ERBB4: variants seen among roughly 807,000 people sequenced by gnomAD.
ERBB4 encodes receptor tyrosine-protein kinase erbB-4.
In ERBB4, 42 loss-of-function variants were observed where a neutral mutation model predicts 158.0. The observed-to-expected ratio is 0.27, with a 90% CI of 0.21 to 0.34. ERBB4 has a LOEUF of 0.34. ERBB4 is among the 10% of genes least tolerant of loss of function. The pLI is 1.00. For synonymous variants in ERBB4, 583 were observed against 558.7 expected, an observed-to-expected ratio of 1.04 and a Z score of -0.61; for missense variants, 1,333 against 1,624.1, an observed-to-expected ratio of 0.82 and a Z score of 3.08.
At chr2:212,450,085 G>A (rs2092423113) in intron 1 of ERBB4, among the ~76,000 whole-genome samples, 1 of 152,146 alleles carries the variant, frequency 6.6e-6, no homozygotes, top group African/African-American at 2.4e-5. Context: ...ATGTTGACAT[G>A]CTGGTGTGCC....
intron 9 of ERBB4, among the ~76,000 whole-genome samples, chr2:211,710,109 AT>A (rs1391097263): frequency 3.3e-5 from 5 of 152,140 alleles, no homozygotes; most frequent in African/African-American, 1.2e-4. Context: ...AGGTTACATT[AT>A]CTATAAATTT....
At chr2:212,286,594 CTTTTTTTTTTTT>C in intron 1 of ERBB4, among the ~76,000 whole-genome samples, 1 of 55,542 alleles carries the variant, frequency 1.8e-5, no homozygotes, top group East Asian at 1.3e-3. Flanking sequence ...TAAGTGCTGA[CTTTTTTTTTTTT>C]TTTTTTTTTT....
intron 20 of ERBB4, among the ~76,000 whole-genome samples, chr2:211,444,707 T>C (rs2125461283): frequency 1.3e-5 from 2 of 152,200 alleles, no homozygotes; most frequent in Middle Eastern, 6.8e-3. Flanking sequence ...AGTTTCCTTG[T>C]TTCTCTAAAC....
At chr2:211,781,400 C>T (rs1248722274) in intron 4 of ERBB4, among the ~76,000 whole-genome samples, 2 of 152,160 alleles carry the variant, frequency 1.3e-5, no homozygotes, top group East Asian at 3.9e-4. Context: ...CCCCCTCTCC[C>T]ACTTCAGTTG....
At chr2:211,955,900 T>C (rs1024571100) in intron 2 of ERBB4, among the ~76,000 whole-genome samples, 1 of 152,130 alleles carries the variant, frequency 6.6e-6, no homozygotes, top group Admixed American at 6.6e-5. Context: ...GTCTAAAGTT[T>C]TTCTTTTAAC....
intron 1 of ERBB4, among the ~76,000 whole-genome samples, chr2:212,347,768 C>A (rs777652966): frequency 6.6e-6 from 1 of 151,926 alleles, no homozygotes; most frequent in Non-Finnish European, 1.5e-5. Flanking sequence ...CATTCTCAAC[C>A]TGAATATGAG....
intron 20 of ERBB4, among the ~76,000 whole-genome samples, chr2:211,532,488 A>G (rs11887504): frequency 0.041 from 6,284 of 152,156 alleles, 446 homozygotes; most frequent in African/African-American, 0.14. Flanking sequence ...TATGGTTTTA[A>G]TGAAAAGGAA....
At chr2:212,029,305 G>A (rs2076846700) in intron 2 of ERBB4, among the ~76,000 whole-genome samples, 1 of 151,842 alleles carries the variant, frequency 6.6e-6, no homozygotes, top group Admixed American at 6.6e-5. Flanking sequence ...CCTCCATCTT[G>A]CCCTTGAATT....
chr2:211,713,831 A>G (rs1004680427), intron 7 of ERBB4, among the ~76,000 whole-genome samples, 183 bp from the exon 8 acceptor site: 5 of 152,198 alleles, frequency 3.3e-5, no homozygotes, highest in Non-Finnish European at 7.3e-5. Flanking sequence ...GTCAAATGCA[A>G]TGTGTGTTAA....
intron 1 of ERBB4, among the ~76,000 whole-genome samples, chr2:212,458,127 T>C (rs996690110): frequency 6.6e-6 from 1 of 152,090 alleles, no homozygotes; most frequent in Non-Finnish European, 1.5e-5. Flanking sequence ...CTACTATGTG[T>C]CATATACTTT....
intron 2 of ERBB4, among the ~76,000 whole-genome samples, chr2:212,088,411 A>G (rs1196068841): frequency 6.6e-6 from 1 of 152,184 alleles, no homozygotes; most frequent in Non-Finnish European, 1.5e-5. Context: ...TGAAAAATAA[A>G]AATGGATTGT....
chr2:211,435,294 T>A (rs985919907), intron 20 of ERBB4, among the ~76,000 whole-genome samples: 2 of 152,144 alleles, frequency 1.3e-5, no homozygotes, highest in Non-Finnish European at 2.9e-5. Context: ...AGGAGAAGAA[T>A]AATACTGACA....
chr2:212,474,376 T>A (rs1689269823), intron 1 of ERBB4, among the ~76,000 whole-genome samples: 1 of 152,124 alleles, frequency 6.6e-6, no homozygotes, highest in Admixed American at 6.6e-5. Context: ...ACTGTGCCTG[T>A]CTCACACTGG....
At chr2:212,515,276 C>T (rs1484740708) in intron 1 of ERBB4, among the ~76,000 whole-genome samples, 2 of 152,026 alleles carry the variant, frequency 1.3e-5, no homozygotes, top group African/African-American at 4.8e-5. Flanking sequence ...TTTAGCAATT[C>T]GTACATGAGA....
rs77419345 is a variant in ERBB4 at position 211,775,256 on chromosome 2, C to T, written c.556+12769G>A. Reference sequence around the variant, plus strand: ...CAGATAGGTGAGTGTGGTCTTTCAGCTGTTCTTGAGTAGCTCGTCTGGTTT... The same window carrying T: ...CAGATAGGTGAGTGTGGTCTTTCAGTTGTTCTTGAGTAGCTCGTCTGGTTT... On this transcript the variant is annotated intron_variant, in intron 4 of 27. Coordinates refer to ENST00000342788, the MANE Select transcript of ERBB4 (RefSeq NM_005235.3). Among the ~76,000 whole-genome samples the T allele has an allele frequency of 2.3e-3, 354 of 152,252 alleles. 5 individuals carry two copies. The East Asian group carries it at 0.035, about 15-fold the overall frequency.
At chr2:212,534,415 T>C (rs896682695) in intron 1 of ERBB4, among the ~76,000 whole-genome samples, 3 of 152,142 alleles carry the variant, frequency 2.0e-5, no homozygotes, top group African/African-American at 7.2e-5. Flanking sequence ...GACTTCTCTG[T>C]GGAAAGGTTT....
intron 3 of ERBB4, among the ~76,000 whole-genome samples, chr2:211,856,865 G>A: frequency 6.6e-6 from 1 of 152,156 alleles, no homozygotes; most frequent in South Asian, 2.1e-4. Flanking sequence ...CAATATGATA[G>A]AAAACAAAGT....
chr2:211,815,399 T>C (rs747875935), intron 3 of ERBB4, among the ~76,000 whole-genome samples: 6 of 152,196 alleles, frequency 3.9e-5, no homozygotes, highest in Non-Finnish European at 7.4e-5. Flanking sequence ...GTTTTCTTGT[T>C]TTGTCAAAAA....
intron 4 of ERBB4, among the ~76,000 whole-genome samples, chr2:211,785,921 T>C (rs1268086811): frequency 6.6e-6 from 1 of 152,154 alleles, no homozygotes; most frequent in African/African-American, 2.4e-5. Context: ...TGTGCTCATT[T>C]TTTCTTCTAA....
Sources: gnomAD v4.1 joint callset for allele counts (sites outside exome capture counted in the v4.1 genomes callset) on GRCh38, gnomAD v4.1.1 for gene constraint, MANE v1.5 for transcripts, NCBI Gene and HGNC (gene_info 2026-07-23, HGNC 2026-07-21) for gene names.